Variants in PTER observed in about 807,000 individuals in gnomAD.
The protein encoded by PTER is N-acetyltaurine hydrolase.
In PTER, 38 loss-of-function variants were observed where a neutral mutation model predicts 29.6. The observed-to-expected ratio is 1.28, with a 90% CI of 0.99 to 1.68. The LOEUF is 1.68. Among genes scored for constraint, PTER ranks in the 40% most tolerant of loss-of-function variants. The pLI, the probability that PTER is intolerant of heterozygous loss-of-function variation, is 0.00. For missense variants in PTER, 482 were observed against 427.8 expected, an observed-to-expected ratio of 1.13 and a Z score of -1.12; for synonymous variants, 172 against 154.5, an observed-to-expected ratio of 1.11 and a Z score of -0.84.
chr10:16,493,923 T>C (rs1835997195), intron 3 of PTER, among the ~76,000 whole-genome samples: 1 of 152,140 alleles, frequency 6.6e-6, no homozygotes, highest in Admixed American at 6.5e-5. Flanking sequence ...GCCTTCCTGG[T>C]GAAAGGGAAA....
chr10:16,479,514 A>G (rs1172073802), intron 1 of PTER, among the ~76,000 whole-genome samples: 2 of 152,118 alleles, frequency 1.3e-5, no homozygotes, highest in African/African-American at 4.8e-5. Context: ...TTTAAAAAAT[A>G]TTTTTGTGAC....
Position 16,511,223 on chromosome 10 carries a change from A to C in PTER, c.1017A>C (p.Ile339=). Residue 339 remains isoleucine, a synonymous_variant, in exon 5 of 5, where the codon ATA becomes ATC. Transcript: ENST00000535784. ...ITENVLDKIL[I]ENPKQWLTFK Reference sequence around the variant, plus strand: ...AGAATGTGCTTGATAAGATTCTAATAGAGAACCCTAAGCAATGGCTAACTT... The same window carrying C: ...AGAATGTGCTTGATAAGATTCTAATCGAGAACCCTAAGCAATGGCTAACTT... The C allele has an allele frequency of 1.2e-6, 2 of 1,614,112 alleles. No individual in the cohort carries two copies. Among genetic ancestry groups the C allele is most frequent in the South Asian group, 1.1e-5 (1 of 91,082 alleles).
In PTER at chr10:16,484,682, A is replaced by G; in HGVS notation, c.298A>G (p.Thr100Ala). Reference protein sequence around the residue: ...NGGGALVENTTTGISRDTQTL... With the variant: ...NGGGALVENTATGISRDTQTL... ...TGGAGGGGCTTTGGTGGAAAACACA[A>G]CCACTGGGATTAGCCGAGACACACA... The change falls in exon 2 of 5, where the codon ACC becomes GCC. Residue 100 changes from threonine (T) to alanine (A), a missense_variant. By Grantham distance (58) the Thr-to-Ala change is moderately conservative. Transcript: ENST00000535784. The G allele has an allele frequency of 6.2e-7, 1 of 1,614,150 alleles. No homozygotes were observed. The highest frequency in any genetic ancestry group is 2.2e-5 in the East Asian group (1 of 44,888).
chr10:16,443,976 T>A (rs1833931829), intron 1 of PTER, among the ~76,000 whole-genome samples: 1 of 152,006 alleles, frequency 6.6e-6, no homozygotes, highest in African/African-American at 2.4e-5. Flanking sequence ...TGAGAAAAGA[T>A]GTGAGCCTAG....
At chr10:16,474,743 T>TG (rs1456218119) in intron 1 of PTER, among the ~76,000 whole-genome samples, 1 of 151,886 alleles carries the variant, frequency 6.6e-6, no homozygotes, top group Non-Finnish European at 1.5e-5. Flanking sequence ...AAAAATTAGC[T>TG]GGGCATGGTG....
chr10:16,465,698 G>T (rs568820596), intron 1 of PTER, among the ~76,000 whole-genome samples: 157 of 152,260 alleles, frequency 1.0e-3, no homozygotes, highest in African/African-American at 3.7e-3. Context: ...ATTGCTGTTT[G>T]TATTAGTTCA....
At chr10:16,472,457 G>A (rs1219393516) in intron 1 of PTER, among the ~76,000 whole-genome samples, 9 of 152,170 alleles carry the variant, frequency 5.9e-5, no homozygotes, top group Non-Finnish European at 8.8e-5. Context: ...CATGAGATCC[G>A]CTGGTTTTAT....
At chr10:16,507,899 G>A (rs1047120999) in intron 4 of PTER, among the ~76,000 whole-genome samples, 2 of 152,134 alleles carry the variant, frequency 1.3e-5, no homozygotes, top group African/African-American at 4.8e-5. Flanking sequence ...TTCCCCTAAA[G>A]CCCTAGTAGT....
intron 1 of PTER, among the ~76,000 whole-genome samples, chr10:16,454,408 C>A (rs139648864): frequency 6.6e-6 from 1 of 152,010 alleles, no homozygotes; most frequent in Admixed American, 6.6e-5. Flanking sequence ...AACTCCATCT[C>A]TACTAAAAAT....
At position 16,484,327 on chromosome 10, in the gene PTER, T is replaced by C; in HGVS notation, c.-48-10T>C. The C allele has an allele frequency of 1.4e-6, 2 of 1,439,720 alleles. No homozygotes were observed. Among genetic ancestry groups the C allele is most frequent in the Non-Finnish European group, 1.9e-6 (2 of 1,063,086 alleles). 89.2% of individuals were successfully genotyped at this position (1,439,720 alleles called of 1,614,324 possible). A position where few individuals can be genotyped will look rare whatever the true frequency, so the allele number is the denominator to read the frequency against. On this transcript the variant is annotated splice_polypyrimidine_tract_variant and intron_variant, in intron 1 of 4. Coordinates refer to ENST00000535784, the MANE Select transcript of PTER (RefSeq NM_001261836.2). ...TGATTGTAGTTGTTTGTTTGTTTGT[T>C]TGTTTTTAGAAAAAAGAAATCCTCT... is the stretch of plus-strand genomic sequence containing the variant.
intron 1 of PTER, among the ~76,000 whole-genome samples, chr10:16,439,695 T>C (rs976616345): frequency 6.6e-6 from 1 of 152,232 alleles, no homozygotes; most frequent in African/African-American, 2.4e-5. Flanking sequence ...GGAATGTTTA[T>C]CCTTAAATAT....
intron 3 of PTER, among the ~76,000 whole-genome samples, chr10:16,487,449 A>G (rs182457116): frequency 6.6e-6 from 1 of 152,178 alleles, no homozygotes; most frequent in African/African-American, 2.4e-5. Context: ...TGTTACAACC[A>G]CAGTTGCCAT....
chr10:16,476,569 C>A (rs1285695819), intron 1 of PTER, among the ~76,000 whole-genome samples: 1 of 151,968 alleles, frequency 6.6e-6, no homozygotes, highest in Non-Finnish European at 1.5e-5. Flanking sequence ...TTGGGTTCTT[C>A]TTTTTTATTT....
At position 16,512,737 on chromosome 10, in the gene PTER, A is replaced by T. The variant is rs954370437; in HGVS notation, c.*1481A>T. 6.6e-6 allele frequency: 1 copy of T among 152,320 alleles called. No homozygotes were observed. Among genetic ancestry groups the T allele is most frequent in the Middle Eastern group, 3.2e-3 (1 of 316 alleles). 9.4% of individuals were successfully genotyped at this position (152,320 alleles called of 1,614,324 possible). On this transcript the variant is annotated 3_prime_UTR_variant, in exon 5 of 5. Transcript: ENST00000535784. ...TAAATAAATAAAAAAAAAAAATGCAAATGTCCTTCACCAGTAAAGCAAGCA... is the reference window on the plus strand; with the variant it reads ...TAAATAAATAAAAAAAAAAAATGCATATGTCCTTCACCAGTAAAGCAAGCA...
intron 1 of PTER, among the ~76,000 whole-genome samples, chr10:16,480,941 C>G (rs1014249404): frequency 6.6e-6 from 1 of 152,366 alleles, no homozygotes; most frequent in South Asian, 2.1e-4. Flanking sequence ...TTTATCGTTT[C>G]TGGCTTTCAG....
intron 1 of PTER, among the ~76,000 whole-genome samples, chr10:16,444,287 C>T (rs1483008426): frequency 6.6e-6 from 1 of 152,044 alleles, no homozygotes; most frequent in Non-Finnish European, 1.5e-5. Context: ...ACCACCGCAC[C>T]CGGCCTCTTT....
At chr10:16,509,697 A>T (rs1245606622) in intron 4 of PTER, among the ~76,000 whole-genome samples, 2 of 152,122 alleles carry the variant, frequency 1.3e-5, no homozygotes, top group African/African-American at 4.8e-5. Flanking sequence ...CCCTAAACTG[A>T]GTGTGTTCCA....
chr10:16,509,035 C>T (rs1228652923), intron 4 of PTER, among the ~76,000 whole-genome samples: 1 of 152,204 alleles, frequency 6.6e-6, no homozygotes, highest in Non-Finnish European at 1.5e-5. Flanking sequence ...CTTATTATAT[C>T]TCTGCCTTTT....
chr10:16,470,228 A>G (rs1379919763), intron 1 of PTER, among the ~76,000 whole-genome samples: 1 of 152,154 alleles, frequency 6.6e-6, no homozygotes, highest in Non-Finnish European at 1.5e-5. Flanking sequence ...CATTCGTGAA[A>G]ATTTGAGATA....
Sources: allele counts gnomAD v4.1 joint callset (sites outside exome capture counted in the v4.1 genomes callset), GRCh38; gene constraint gnomAD v4.1.1; transcripts MANE v1.5; gene names NCBI Gene and HGNC (gene_info 2026-07-23, HGNC 2026-07-21).